Variants in KIAA1614 observed in about 807,000 individuals in gnomAD.
The protein encoded by KIAA1614 is uncharacterized protein KIAA1614.
In KIAA1614, 76 loss-of-function variants were observed where a neutral mutation model predicts 88.7. The observed-to-expected ratio is 0.86, with a 90% CI of 0.71 to 1.04. The LOEUF (loss-of-function observed/expected upper bound fraction) is 1.04. Ranked by LOEUF, KIAA1614 falls within the 50% of genes least tolerant of loss-of-function variation. The pLI is 0.00. For missense variants in KIAA1614, 1,553 were observed against 1,582.5 expected, an observed-to-expected ratio of 0.98 and a Z score of 0.32; for synonymous variants, 714 against 675.5, an observed-to-expected ratio of 1.06 and a Z score of -0.88.
chr1:180,924,386 C>A (rs2102261197), intron 3 of KIAA1614, among the ~76,000 whole-genome samples: 1 of 152,354 alleles, frequency 6.6e-6, no homozygotes, highest in Non-Finnish European at 1.5e-5. Flanking sequence ...AAGGGGCAGC[C>A]CAAAGCCTCC....
intron 4 of KIAA1614, among the ~76,000 whole-genome samples, chr1:180,931,176 G>C (rs1654189763): frequency 6.6e-6 from 1 of 152,248 alleles, no homozygotes; most frequent in African/African-American, 2.4e-5. Context: ...GGAAGCACAA[G>C]ATTTTGCCAT....
In KIAA1614 at chr1:180,948,192, G is replaced by C. The variant is rs1333925692; in HGVS notation, c.*2604G>C. 6.6e-6 allele frequency: 1 copy of C among 152,280 alleles called. No homozygotes were observed. The highest frequency in any genetic ancestry group is 2.4e-5 in the African/African-American group (1 of 41,470). 9.4% of individuals were successfully genotyped at this position (152,280 alleles called of 1,614,324 possible). A position where few individuals can be genotyped will look rare whatever the true frequency, so the allele number is the denominator to read the frequency against. Reference sequence around the variant, plus strand: ...TCCCCACGCACATGAAGCCTGGCGAGTGCTGGGGCCTCCGTGTCCCAGGCC... The same window carrying C: ...TCCCCACGCACATGAAGCCTGGCGACTGCTGGGGCCTCCGTGTCCCAGGCC... On this transcript the variant is annotated 3_prime_UTR_variant, in exon 9 of 9. Transcript: ENST00000367588.
chr1:180,928,192 A>C, intron 3 of KIAA1614: 1 of 430,666 alleles, frequency 2.3e-6, no homozygotes, highest in Non-Finnish European at 4.1e-6. Context: ...CAGATGTCCA[A>C]GGCCGGGCCA....
rs774084829 is a variant in KIAA1614, at chr1:180,917,831, G to C, written c.998-20G>C. The stretch of plus-strand genomic sequence containing the variant: ...TGTTTCTGGCTCTGTCCTGATCTCT[G>C]CTTCTGTTCTGGATCCTAGAGCGAC... On this transcript the variant is annotated intron_variant, in intron 2 of 8. Coordinates refer to ENST00000367588, the MANE Select transcript of KIAA1614 (RefSeq NM_020950.2). 8 of 1,611,566 alleles carry C rather than the reference G, an allele frequency of 5.0e-6. No homozygotes were observed. The South Asian group carries it at 7.7e-5, about 15-fold the overall frequency.
At chr1:180,938,436 T>C (rs1654378899) in intron 5 of KIAA1614, 119 bp from the exon 6 acceptor site, 4 of 1,153,566 alleles carry the variant, frequency 3.5e-6, no homozygotes, top group South Asian at 3.1e-5. Context: ...CTGCTCTCCT[T>C]GAGCTCCACC....
In KIAA1614 at chr1:180,949,352, G is replaced by A. The variant is rs1428845232; in HGVS notation, c.*3764G>A. ...CACCCAGCATGAAGCATGGGCATCA[G>A]GGGGTCCAGCCTGCCCTGGGAGAGC... On this transcript the variant is annotated 3_prime_UTR_variant, in exon 9 of 9. Coordinates refer to ENST00000367588, the MANE Select transcript of KIAA1614 (RefSeq NM_020950.2). The A allele has an allele frequency of 6.6e-6, 1 of 152,370 alleles. No individual in the cohort carries two copies. Among genetic ancestry groups the A allele is most frequent in the Admixed American group, 6.5e-5 (1 of 15,292 alleles). 9.4% of individuals were successfully genotyped at this position (152,370 alleles called of 1,614,324 possible). A position where few individuals can be genotyped will look rare whatever the true frequency, so the allele number is the denominator to read the frequency against.
chr1:180,914,249 T>C (rs1653725769), intron 1 of KIAA1614, among the ~76,000 whole-genome samples: 2 of 152,238 alleles, frequency 1.3e-5, no homozygotes, highest in African/African-American at 4.8e-5. Context: ...TAGATATGCA[T>C]GCAACACCCT....
At chr1:180,914,674 C>T (rs928467818) in intron 1 of KIAA1614, among the ~76,000 whole-genome samples, 1 of 152,002 alleles carries the variant, frequency 6.6e-6, no homozygotes, top group African/African-American at 2.4e-5. Flanking sequence ...CTCTGCCTCC[C>T]AAGTAGCTGG....
chr1:180,939,914 C>A (rs1654416385), intron 6 of KIAA1614, among the ~76,000 whole-genome samples: 1 of 152,208 alleles, frequency 6.6e-6, no homozygotes, highest in Admixed American at 6.5e-5. Context: ...GCTCTTCCTG[C>A]CCCAAGGCTG....
At position 180,916,831 on chromosome 1, in the gene KIAA1614, C is replaced by A. The variant is rs763016703; in HGVS notation, c.728C>A (p.Pro243His). 1 of 1,614,226 alleles carries A rather than the reference C, an allele frequency of 6.2e-7. No homozygotes were observed. Among genetic ancestry groups the A allele is most frequent in the African/African-American group, 1.3e-5 (1 of 75,072 alleles). Residue 243 changes from proline (P) to histidine (H), a missense_variant, in exon 2 of 9, where the codon CCT becomes CAT. By Grantham distance (77) the Pro-to-His change is moderately conservative (BLOSUM62 -2). Transcript: ENST00000367588. ...AGCCCAAGGACAGGAAGGTCCTACCCTTTTCCAGATGGCGTGGTGACAGAG... is the reference window on the plus strand; with the variant it reads ...AGCCCAAGGACAGGAAGGTCCTACCATTTTCCAGATGGCGTGGTGACAGAG... ...IPSPRTGRSY[P>H]FPDGVVTEAD...
At chr1:180,942,400 G>A (rs1654488961) in intron 7 of KIAA1614, among the ~76,000 whole-genome samples, 1 of 152,156 alleles carries the variant, frequency 6.6e-6, no homozygotes, top group South Asian at 2.1e-4. Flanking sequence ...TTCCCTCCCC[G>A]CTCTCCTAGG....
rs571461623 is a variant in KIAA1614 at position 180,917,028 on chromosome 1, A to G, written c.925A>G (p.Asn309Asp). 2.5e-6 allele frequency: 4 copies of G among 1,613,898 alleles called. No individual in the cohort carries two copies. The East Asian group carries it at 8.9e-5, about 36-fold the overall frequency. The change falls in exon 2 of 9, where the codon AAC (asparagine) becomes GAC (aspartate). Residue 309 changes from asparagine (N) to aspartate (D), a missense_variant. Coordinates refer to ENST00000367588, the MANE Select transcript of KIAA1614 (RefSeq NM_020950.2). ...RNRLLLQEML[N>D]VSGQSPRKVG... ...CCGCCTGTTGCTGCAGGAGATGCTC[A>G]ACGTTTCTGGGCAGAGCCCCCGCAA...
chr1:180,922,429 C>T (rs115964736), intron 3 of KIAA1614, among the ~76,000 whole-genome samples: 1,703 of 152,124 alleles, frequency 0.011, 26 homozygotes, highest in African/African-American at 0.038. Flanking sequence ...TTCACACAGG[C>T]GAGGGGAAGG....
chr1:180,932,495 TACA>T (rs1558068805), intron 4 of KIAA1614, among the ~76,000 whole-genome samples: 2 of 152,250 alleles, frequency 1.3e-5, no homozygotes, highest in Non-Finnish European at 2.9e-5. Flanking sequence ...TAAAAGAAAT[TACA>T]ACATTTTCCT....
intron 3 of KIAA1614, among the ~76,000 whole-genome samples, chr1:180,921,734 T>G (rs766228321): frequency 2.6e-5 from 4 of 152,136 alleles, no homozygotes; most frequent in Admixed American, 6.5e-5. Context: ...TTAGGATGAT[T>G]CAGGAAATGG....
chr1:180,920,136 T>C (rs1653921474), intron 3 of KIAA1614, among the ~76,000 whole-genome samples: 1 of 152,194 alleles, frequency 6.6e-6, no homozygotes, highest in South Asian at 2.1e-4. Context: ...GGCCATGTCT[T>C]GAAGCCCCTC....
At position 180,919,833 on chromosome 1, in the gene KIAA1614, C is replaced by T. The variant is rs573524783; in HGVS notation, c.1061+1919C>T. On this transcript the variant is annotated intron_variant, in intron 3 of 8. Transcript: ENST00000367588. The stretch of plus-strand genomic sequence containing the variant: ...CTGGGGTTTCTGGGCCATTGTTTAA[C>T]CTGCCAGGCCCCCAGCATCCATGGG... Among the ~76,000 whole-genome samples, 580 of 152,230 alleles carry T rather than the reference C, an allele frequency of 3.8e-3. 2 individuals are homozygous for T. Among genetic ancestry groups the T allele is most frequent in the African/African-American group, 0.012 (495 of 41,532 alleles).
In KIAA1614 at chr1:180,935,507, AGAG is replaced by A. The variant is rs2102269810; in HGVS notation, c.1603_1605del (p.Arg535del). The A allele has an allele frequency of 6.6e-7, 1 of 1,523,806 alleles. No homozygotes were observed. The highest frequency in any genetic ancestry group is 1.4e-5 in the African/African-American group (1 of 72,778). The allele number at this position is 1,523,806 out of a possible 1,614,324, so 94.4% of individuals were successfully genotyped here. A position where few individuals can be genotyped will look rare whatever the true frequency, so the allele number is the denominator to read the frequency against. Reference sequence around the variant, plus strand: ...CCGGCACCGCCGGCACCGGGCAGCGAGAGGAGGTGCCAGGCCTGCGGCAGCTGC... The same window carrying A: ...CCGGCACCGCCGGCACCGGGCAGCGAGAGGTGCCAGGCCTGCGGCAGCTGC... On this transcript the variant is annotated inframe_deletion, in exon 5 of 9. Transcript: ENST00000367588. The surrounding 1 kb of genome is among the most constrained non-coding windows in gnomAD (Gnocchi z 6.1).
At chr1:180,942,308 C>A (rs1654486763) in intron 7 of KIAA1614, among the ~76,000 whole-genome samples, 1 of 152,226 alleles carries the variant, frequency 6.6e-6, no homozygotes, top group Non-Finnish European at 1.5e-5. Flanking sequence ...CCTCACGAAG[C>A]GCCCCACGCT....
Sources: gnomAD v4.1 joint callset for allele counts (sites outside exome capture counted in the v4.1 genomes callset) on GRCh38, gnomAD v4.1.1 for gene constraint, Gnocchi (gnomAD v3.1) non-coding constraint, MANE v1.5 for transcripts, NCBI Gene and HGNC (gene_info 2026-07-23, HGNC 2026-07-21) for gene names.